Variants in DNAAF1 observed in about 807,000 individuals in gnomAD.
DNAAF1 encodes the protein dynein axonemal assembly factor 1, also known as dynein assembly factor 1, axonemal.
A neutral mutation model predicts 71.1 loss-of-function variants in DNAAF1; 65 were observed. The ratio of observed to expected loss-of-function variants is 0.91; its 90% CI spans 0.75 to 1.12. DNAAF1 has a LOEUF of 1.12. Ranked by LOEUF, DNAAF1 falls within the 50% of genes most tolerant of loss-of-function variation. The pLI is 0.00. For synonymous variants in DNAAF1, 414 were observed against 354.6 expected (o/e 1.17, Z -1.88); for missense variants, 1,178 against 899.8 (o/e 1.31, Z -3.96).
At chr16:84,168,512 A>C (rs909823771) in intron 7 of DNAAF1, among the ~76,000 whole-genome samples, 2 of 152,172 alleles carry the variant, frequency 1.3e-5, no homozygotes, top group Non-Finnish European at 2.9e-5. Context: ...TCCTGGCCTC[A>C]AGCAGTCCTC....
At chr16:84,162,761 G>A in intron 6 of DNAAF1, among the ~76,000 whole-genome samples, 1 of 152,048 alleles carries the variant, frequency 6.6e-6, no homozygotes, top group East Asian at 1.9e-4. Flanking sequence ...GGAGGTTGTA[G>A]TGAGCCAAGA....
At chr16:84,156,554 T>C (rs1167663471) in intron 5 of DNAAF1, among the ~76,000 whole-genome samples, 1 of 152,248 alleles carries the variant, frequency 6.6e-6, no homozygotes, top group African/African-American at 2.4e-5. Context: ...ATTGTCAGCC[T>C]GGTCTAGCCA....
At chr16:84,169,577 A>T (rs2088212492) in intron 7 of DNAAF1, among the ~76,000 whole-genome samples, 1 of 151,568 alleles carries the variant, frequency 6.6e-6, no homozygotes, top group African/African-American at 2.4e-5. Flanking sequence ...GTGCCACCAC[A>T]TCCGAGTAAT....
intron 5 of DNAAF1, chr16:84,159,350 G>A: frequency 1.3e-6 from 1 of 798,346 alleles, no homozygotes; most frequent in South Asian, 2.2e-5. Flanking sequence ...CAGTAAAAGA[G>A]GTTGGGTAGC....
At chr16:84,157,702 C>T (rs2087505269) in intron 5 of DNAAF1, among the ~76,000 whole-genome samples, 1 of 152,068 alleles carries the variant, frequency 6.6e-6, no homozygotes, top group Non-Finnish European at 1.5e-5. Flanking sequence ...TTGTATACCG[C>T]TTAGGCTATT....
At chr16:84,166,427 A>G (rs1372991883) in intron 7 of DNAAF1, among the ~76,000 whole-genome samples, 1 of 140,346 alleles carries the variant, frequency 7.1e-6, no homozygotes, top group Non-Finnish European at 1.5e-5. Flanking sequence ...CCCAGGCTAG[A>G]GTGCAGTGGC....
intron 7 of DNAAF1, among the ~76,000 whole-genome samples, chr16:84,166,704 C>G (rs2088025745): frequency 6.6e-6 from 1 of 152,170 alleles, no homozygotes; most frequent in Non-Finnish European, 1.5e-5. Flanking sequence ...TCCTCACAAC[C>G]TGCAGATCCA....
At chr16:84,159,221 C>T (rs773775134) in intron 5 of DNAAF1, 111 of 1,037,088 alleles carry the variant, frequency 1.1e-4, no homozygotes, top group Non-Finnish European at 1.3e-4. Flanking sequence ...GGTAAGCGGG[C>T]ACTCCCCATC....
intron 4 of DNAAF1, among the ~76,000 whole-genome samples, chr16:84,155,050 A>G (rs2087352192): frequency 6.6e-6 from 1 of 151,912 alleles, no homozygotes; most frequent in African/African-American, 2.4e-5. Context: ...CTGGGACTAC[A>G]GGCACCCACC....
intron 2 of DNAAF1, among the ~76,000 whole-genome samples, chr16:84,149,592 G>C: frequency 6.6e-6 from 1 of 150,700 alleles, no homozygotes; most frequent in Non-Finnish European, 1.5e-5. Context: ...TTGGGAGGCT[G>C]AGGCAGGAGG....
intron 6 of DNAAF1, among the ~76,000 whole-genome samples, chr16:84,162,806 G>C (rs906698169): frequency 6.6e-5 from 10 of 151,830 alleles, no homozygotes; most frequent in Admixed American, 6.6e-4. Context: ...GTGACAGTGG[G>C]AGACTGTCTC....
In DNAAF1 at chr16:84,177,754, C is replaced by T; in HGVS notation, c.2091C>T (p.Pro697=). ...SPVPTESAAT[P]PETCVGVAQP... ...TGCCGACTGAGAGCGCCGCCACACCCCCAGAGACGTGTGTCGGAGTTGCCC... is the reference window on the plus strand; with the variant it reads ...TGCCGACTGAGAGCGCCGCCACACCTCCAGAGACGTGTGTCGGAGTTGCCC... The change falls in exon 12 of 12, where the codon CCC becomes CCT. Residue 697 remains proline, a synonymous_variant. Transcript: ENST00000378553. 8 of 1,614,040 alleles carry T rather than the reference C, an allele frequency of 5.0e-6. No individual in the cohort carries two copies. Among genetic ancestry groups the T allele is most frequent in the Non-Finnish European group, 6.8e-6 (8 of 1,179,984 alleles).
intron 6 of DNAAF1, chr16:84,162,085 C>G (rs959439712): frequency 6.6e-6 from 1 of 152,180 alleles, no homozygotes; most frequent in African/African-American, 2.4e-5. Context: ...GGTTTATTCT[C>G]CTTGGCATAT....
intron 6 of DNAAF1, among the ~76,000 whole-genome samples, chr16:84,162,785 C>T (rs1567551174): frequency 6.6e-6 from 1 of 152,060 alleles, no homozygotes; most frequent in Non-Finnish European, 1.5e-5. Flanking sequence ...CGCCACTGCA[C>T]TCCAGCCTGG....
chr16:84,162,437 A>G (rs1409905394), intron 6 of DNAAF1, among the ~76,000 whole-genome samples: 1 of 152,040 alleles, frequency 6.6e-6, no homozygotes, highest in African/African-American at 2.4e-5. Context: ...AAAATAAAAA[A>G]CAAAGTGTAC....
intron 3 of DNAAF1, among the ~76,000 whole-genome samples, chr16:84,152,006 G>C (rs1417496434): frequency 6.6e-6 from 1 of 152,242 alleles, no homozygotes; most frequent in Non-Finnish European, 1.5e-5. Context: ...TGAAGGCATT[G>C]ACTAGGAGGG....
intron 11 of DNAAF1, chr16:84,177,161 C>A: frequency 5.4e-6 from 1 of 183,794 alleles, no homozygotes; most frequent in South Asian, 1.1e-4. Flanking sequence ...GTGCATTTCC[C>A]GGGAACACTG....
At chr16:84,161,035 C>T (rs112613190) in intron 6 of DNAAF1, among the ~76,000 whole-genome samples, 287 of 152,046 alleles carry the variant, frequency 1.9e-3, no homozygotes, top group African/African-American at 6.4e-3. Context: ...GTGGTAAGGA[C>T]GGGGAGAGCA....
chr16:84,155,559 A>T (rs1260165632), intron 4 of DNAAF1, 24 bp from the exon 5 acceptor site: 1 of 1,613,610 alleles, frequency 6.2e-7, no homozygotes, highest in South Asian at 1.1e-5. Context: ...TTTGTTTTTG[A>T]CTTCTGCTGA....
Sources: gnomAD v4.1 joint callset for allele counts (sites outside exome capture counted in the v4.1 genomes callset) on GRCh38, gnomAD v4.1.1 for gene constraint, MANE v1.5 for transcripts, NCBI Gene and HGNC (gene_info 2026-07-23, HGNC 2026-07-21) for gene names.